CAPN2: variants seen among roughly 807,000 people sequenced by gnomAD.
The protein encoded by CAPN2 is calpain-2 catalytic subunit.
In CAPN2, 92 loss-of-function variants were observed where a neutral mutation model predicts 102.3. That is an observed-to-expected ratio of 0.90 (90% CI 0.76 to 1.07). The LOEUF (loss-of-function observed/expected upper bound fraction) is 1.07, where lower values mean the gene tolerates loss of function less well. CAPN2 is among the 50% of genes least tolerant of loss of function. CAPN2 has a pLI of 0.00. For synonymous variants in CAPN2, 340 were observed against 355.4 expected, an observed-to-expected ratio of 0.96 and a Z score of 0.49; for missense variants, 800 against 909.4, an observed-to-expected ratio of 0.88 and a Z score of 1.55.
At position 223,770,229 on chromosome 1, in the gene CAPN2, C is replaced by T. The variant is rs996884233; in HGVS notation, c.1825-218C>T. 4.9e-5 allele frequency: 29 copies of T among 590,508 alleles called. No homozygotes were observed. In the African/African-American group the frequency reaches 5.0e-4, roughly 10 times the overall value. The allele number at this position is 590,508 out of a possible 1,614,324, so 36.6% of individuals were successfully genotyped here. ...TAAGACAAGAACATGGACCTATGGG[C>T]GTTGGCTGGCTGATTTGATGGGCAT... On this transcript the variant is annotated intron_variant, in intron 17 of 20. Coordinates refer to ENST00000295006, the MANE Select transcript of CAPN2 (RefSeq NM_001748.5).
At chr1:223,724,134 A>G (rs1660129836) in intron 2 of CAPN2, among the ~76,000 whole-genome samples, 1 of 152,146 alleles carries the variant, frequency 6.6e-6, no homozygotes, top group African/African-American at 2.4e-5. Flanking sequence ...TTAGAATGTT[A>G]CCTTCCTCGA....
In CAPN2 at chr1:223,755,778, A is replaced by C; in HGVS notation, c.1305+129A>C. The C allele has an allele frequency of 1.1e-6, 1 of 941,956 alleles. No individual in the cohort carries two copies. 58.3% of individuals were successfully genotyped at this position (941,956 alleles called of 1,614,324 possible). A position where few individuals can be genotyped will look rare whatever the true frequency, so the allele number is the denominator to read the frequency against. On this transcript the variant is annotated intron_variant, in intron 10 of 20. Transcript: ENST00000295006. The surrounding 1 kb of genome is among the most constrained non-coding windows in gnomAD (Gnocchi z 4.1). ...CGGGAGCTTGGCCAAGGAAAAACAA[A>C]ACTACCAGCCTGGCCAGGCTCAGGA...
At position 223,741,466 on chromosome 1, in the gene CAPN2, A is replaced by T. The variant is rs34858017; in HGVS notation, c.308-2634A>T. The stretch of plus-strand genomic sequence containing the variant: ...TATATATATATATATATATATATAT[A>T]TATTTGAGAGGGAGTCTCATTCTTG... On this transcript the variant is annotated intron_variant, in intron 2 of 20. Transcript: ENST00000295006. 3.4e-3 allele frequency among the ~76,000 whole-genome samples: 471 copies of T among 139,064 alleles called. 6 individuals carry two copies. Among genetic ancestry groups the T allele is most frequent in the East Asian group, 0.019 (75 of 3,912 alleles). 91.2% of individuals were successfully genotyped at this position (139,064 alleles called of 152,430 possible). A position where few individuals can be genotyped will look rare whatever the true frequency, so the allele number is the denominator to read the frequency against.
chr1:223,770,512 AT>A lies in CAPN2; in HGVS notation c.1892del (p.Leu631Ter). On this transcript the variant is annotated frameshift_variant, in exon 18 of 21. Transcript: ENST00000295006. LOFTEE classifies it high-confidence loss of function. ...TMNSYEMRKALEEAGFKMPCQ... is the reference protein window; with the variant it reads ...TMNSYEMRKAXEEAGFKMPCQ... Reference sequence around the variant, plus strand: ...TGAATTCCTATGAAATGCGGAAGGCATTAGAAGAAGCAGGTAACCCTTTATA... The same window carrying A: ...TGAATTCCTATGAAATGCGGAAGGCATAGAAGAAGCAGGTAACCCTTTATA... The A allele has an allele frequency of 6.2e-7, 1 of 1,613,004 alleles. No individual in the cohort carries two copies. The highest frequency in any genetic ancestry group is 8.5e-7 in the Non-Finnish European group (1 of 1,179,030).
At chr1:223,723,482 G>A (rs960055062) in intron 2 of CAPN2, among the ~76,000 whole-genome samples, 7 of 152,036 alleles carry the variant, frequency 4.6e-5, no homozygotes, top group Admixed American at 1.3e-4. Flanking sequence ...GCCTCCCAGG[G>A]CACTGTCCAT....
chr1:223,722,982 G>A (rs948903570), intron 2 of CAPN2, among the ~76,000 whole-genome samples: 1 of 152,180 alleles, frequency 6.6e-6, no homozygotes, highest in African/African-American at 2.4e-5. Context: ...CAGTTTTGGG[G>A]AATATTGATC....
chr1:223,743,323 C>T (rs903532832), intron 2 of CAPN2, among the ~76,000 whole-genome samples: 7 of 152,178 alleles, frequency 4.6e-5, no homozygotes, highest in African/African-American at 1.4e-4. Context: ...GCCTCTGACT[C>T]AGGGCTTTTC....
At chr1:223,722,399 C>T (rs1323895653) in intron 2 of CAPN2, among the ~76,000 whole-genome samples, 1 of 149,366 alleles carries the variant, frequency 6.7e-6, no homozygotes, top group African/African-American at 2.5e-5. Flanking sequence ...GCAATCCTCC[C>T]ACCTCAGCCT....
intron 20 of CAPN2, chr1:223,772,805 A>G (rs2102818551): frequency 6.6e-6 from 1 of 152,478 alleles, no homozygotes; most frequent in East Asian, 1.9e-4. Flanking sequence ...TTAAGTGGGT[A>G]TGCTAATTTC....
intron 3 of CAPN2, among the ~76,000 whole-genome samples, 154 bp downstream of exon 3, chr1:223,744,372 C>T (rs1337874168): frequency 6.6e-6 from 1 of 152,110 alleles, no homozygotes; most frequent in African/African-American, 2.4e-5. Flanking sequence ...AGGAAGCTTC[C>T]TGGCTTACCC....
chr1:223,728,240 T>TCCTGATTG (rs1660248279), intron 2 of CAPN2, among the ~76,000 whole-genome samples: 2 of 152,160 alleles, frequency 1.3e-5, no homozygotes, highest in Non-Finnish European at 2.9e-5. Context: ...TCCCGCTCTC[T>TCCTGATTG]CAAGTGGTTG....
At position 223,775,839 on chromosome 1, in the gene CAPN2, A is replaced by C. The variant is rs1661606203; in HGVS notation, c.*982A>C. ...TAAAAATAAAGGGTTACCCCATGCA[A>C]TCACACCATGCCATGTTTTCCTTCC... On this transcript the variant is annotated 3_prime_UTR_variant, in exon 21 of 21. Coordinates refer to ENST00000295006, the MANE Select transcript of CAPN2 (RefSeq NM_001748.5). 6.6e-6 allele frequency: 1 copy of C among 152,602 alleles called. No homozygotes were observed. The highest frequency in any genetic ancestry group is 1.5e-5 in the Non-Finnish European group (1 of 68,036). The allele number at this position is 152,602 out of a possible 1,614,324, so 9.5% of individuals were successfully genotyped here.
Position 223,755,776 on chromosome 1 carries a change from A to C in CAPN2, c.1305+127A>C. 1.0e-6 allele frequency: 1 copy of C among 968,900 alleles called. No homozygotes were observed. The highest frequency in any genetic ancestry group is 1.5e-6 in the Non-Finnish European group (1 of 676,012). The allele number at this position is 968,900 out of a possible 1,614,324, so 60.0% of individuals were successfully genotyped here. A position where few individuals can be genotyped will look rare whatever the true frequency, so the allele number is the denominator to read the frequency against. On this transcript the variant is annotated intron_variant, in intron 10 of 20. Transcript: ENST00000295006. This position sits in a 1 kb window ranked among gnomAD's most constrained non-coding sequence, Gnocchi z 4.1. ...ACCGGGAGCTTGGCCAAGGAAAAAC[A>C]AAACTACCAGCCTGGCCAGGCTCAG...
chr1:223,772,370 T>A, intron 20 of CAPN2, 131 bp downstream of exon 20: 1 of 675,200 alleles, frequency 1.5e-6, no homozygotes, highest in Non-Finnish European at 2.6e-6. Flanking sequence ...GCCAGGCCTG[T>A]AACCGGTTGT....
intron 2 of CAPN2, among the ~76,000 whole-genome samples, chr1:223,723,689 G>A (rs1660117388): frequency 6.6e-6 from 1 of 151,952 alleles, no homozygotes; most frequent in South Asian, 2.1e-4. Flanking sequence ...AGGTCCAGGT[G>A]AACTGCTAAC....
chr1:223,775,902 A>C lies in CAPN2; in HGVS notation c.*1045A>C, dbSNP rs1661607167. 1 of 152,678 alleles carries C rather than the reference A, an allele frequency of 6.5e-6. No homozygotes were observed. Among genetic ancestry groups the C allele is most frequent in the Admixed American group, 6.5e-5 (1 of 15,290 alleles). The allele number at this position is 152,678 out of a possible 1,614,324, so 9.5% of individuals were successfully genotyped here. On this transcript the variant is annotated 3_prime_UTR_variant, in exon 21 of 21. Transcript: ENST00000295006. Reference sequence around the variant, plus strand: ...CCACAGGACGGTTTATGAGCACACAATTATAGCTTGTTTCTACTTTAACAA... The same window carrying C: ...CCACAGGACGGTTTATGAGCACACACTTATAGCTTGTTTCTACTTTAACAA...
chr1:223,741,563 T>G (rs1322395871), intron 2 of CAPN2, among the ~76,000 whole-genome samples: 1 of 151,528 alleles, frequency 6.6e-6, no homozygotes, highest in Non-Finnish European at 1.5e-5. Flanking sequence ...CAAGCGATTC[T>G]CCTGCCTCAG....
chr1:223,761,506 C>T, intron 12 of CAPN2, 75 bp from the exon 13 acceptor site: 1 of 1,254,932 alleles, frequency 8.0e-7, no homozygotes, highest in Non-Finnish European at 1.2e-6. Flanking sequence ...CACTGCACTT[C>T]CATTTTAGCA....
chr1:223,712,706 C>G lies in CAPN2; in HGVS notation c.66C>G (p.Asp22Glu), dbSNP rs25655. ...CGGCCGAGGGGCTGGGCTCCCACGACAGGGCCATCAAGTACCTCAACCAGG... is the reference window on the plus strand; with the variant it reads ...CGGCCGAGGGGCTGGGCTCCCACGAGAGGGCCATCAAGTACCTCAACCAGG... ...REAAEGLGSH[D>E]RAIKYLNQDY... The change falls in exon 1 of 21, where the codon GAC (aspartate) becomes GAG (glutamate). Residue 22 changes from aspartate (D) to glutamate (E), a missense_variant. Coordinates refer to ENST00000295006, the MANE Select transcript of CAPN2 (RefSeq NM_001748.5). The G allele has an allele frequency of 1, 1,575,615 of 1,579,446 alleles. 785,978 individuals carry two copies. The highest frequency in any genetic ancestry group is 1 in the East Asian group (41,680 of 41,680).
Sources: gnomAD v4.1 joint callset for allele counts (sites outside exome capture counted in the v4.1 genomes callset) on GRCh38, gnomAD v4.1.1 for gene constraint, Gnocchi (gnomAD v3.1) non-coding constraint, MANE v1.5 for transcripts, NCBI Gene and HGNC (gene_info 2026-07-23, HGNC 2026-07-21) for gene names.